The following IL34 variants were observed in gnomAD, a reference collection of about 807,000 sequenced individuals.
The protein encoded by IL34 is interleukin-34.
In IL34, 17 loss-of-function variants were observed where a neutral mutation model predicts 25.3. The ratio of observed to expected loss-of-function variants is 0.67; its 90% CI spans 0.46 to 1.01. IL34 has a LOEUF of 1.01. Among genes scored for constraint, IL34 ranks in the 50% least tolerant of loss-of-function variants. IL34 has a pLI of 0.00. For missense variants in IL34, 368 were observed against 312.9 expected (o/e 1.18, Z -1.33); for synonymous variants, 174 against 140.9 (o/e 1.23, Z -1.66).
At chr16:70,657,665 C>T (rs1363289558) in intron 4 of IL34, among the ~76,000 whole-genome samples, 1 of 152,166 alleles carries the variant, frequency 6.6e-6, no homozygotes, top group Non-Finnish European at 1.5e-5. Context: ...ATCCCAGCTA[C>T]TCAGGAGGCT....
chr16:70,653,110 G>C (rs574230246), intron 1 of IL34, among the ~76,000 whole-genome samples: 2 of 152,240 alleles, frequency 1.3e-5, no homozygotes, highest in Admixed American at 1.3e-4. Flanking sequence ...GGAGGCTGAG[G>C]CCTGAGGCAC....
chr16:70,613,512 C>T lies in IL34; in HGVS notation c.-400-33036C>T, dbSNP rs150886478. Among the ~76,000 whole-genome samples the T allele has an allele frequency of 3.2e-4, 48 of 152,280 alleles. 1 individual carries two copies. The Middle Eastern group carries it at 0.01, about 32-fold the overall frequency. ...GTGAAACAACTGGAGTTGGCTATTCCGGAACCTTGGTACTCAAAGTGTGGT... is the reference window on the plus strand; with the variant it reads ...GTGAAACAACTGGAGTTGGCTATTCTGGAACCTTGGTACTCAAAGTGTGGT... On this transcript the variant is annotated intron_variant, in intron 1 of 6. Coordinates refer to the IL34 transcript ENST00000429149.
chr16:70,647,156 C>T (rs1371843072), intron 1 of IL34, among the ~76,000 whole-genome samples, 181 bp downstream of exon 1: 6 of 152,254 alleles, frequency 3.9e-5, no homozygotes, highest in African/African-American at 7.2e-5. Flanking sequence ...CCGCTCACTT[C>T]GGGCTCCGAC....
At chr16:70,629,961 A>G (rs2051481746) in intron 1 of IL34, among the ~76,000 whole-genome samples, 1 of 151,904 alleles carries the variant, frequency 6.6e-6, no homozygotes, top group Non-Finnish European at 1.5e-5. Context: ...CATTCTGTCT[A>G]TGTTTTTGTA....
chr16:70,632,317 T>A (rs2051538346), intron 1 of IL34, among the ~76,000 whole-genome samples: 1 of 152,172 alleles, frequency 6.6e-6, no homozygotes, highest in African/African-American at 2.4e-5. Context: ...CATGCAGATA[T>A]CTGCAGGGTG....
At chr16:70,628,380 A>T (rs2051441578) in intron 1 of IL34, among the ~76,000 whole-genome samples, 1 of 151,308 alleles carries the variant, frequency 6.6e-6, no homozygotes. Flanking sequence ...TATCTTGCAC[A>T]TTTCTTGATA....
chr16:70,608,820 T>A (rs1277833606), intron 1 of IL34, among the ~76,000 whole-genome samples: 1 of 152,078 alleles, frequency 6.6e-6, no homozygotes, highest in Non-Finnish European at 1.5e-5. Context: ...GCCTCACGCC[T>A]CAGTCTCTGC....
rs539377475 is a variant in IL34, at chr16:70,585,920, G to A, written c.-401+5871G>A. On this transcript the variant is annotated intron_variant, in intron 1 of 6. Coordinates refer to the IL34 transcript ENST00000429149. Reference sequence around the variant, plus strand: ...GCAATCTCGGCTCACTGCAAGCTCCGCCTCCCAGGTTCACGCCATTCTCCT... The same window carrying A: ...GCAATCTCGGCTCACTGCAAGCTCCACCTCCCAGGTTCACGCCATTCTCCT... Among the ~76,000 whole-genome samples, 13 of 148,880 alleles carry A rather than the reference G, an allele frequency of 8.7e-5. No homozygotes were observed. The South Asian group carries it at 1.9e-3, about 22-fold the overall frequency.
intron 1 of IL34, among the ~76,000 whole-genome samples, chr16:70,601,070 A>T (rs911010869): frequency 7.9e-5 from 12 of 151,866 alleles, no homozygotes; most frequent in African/African-American, 2.9e-4. Context: ...GAAGTGAGGG[A>T]TACTGACAGA....
At chr16:70,648,664 G>A (rs1457402010) in intron 1 of IL34, among the ~76,000 whole-genome samples, 3 of 152,042 alleles carry the variant, frequency 2.0e-5, no homozygotes, top group African/African-American at 4.8e-5. Context: ...AAGACTGGCT[G>A]GGGGATGAGG....
intron 1 of IL34, among the ~76,000 whole-genome samples, chr16:70,632,432 G>A (rs2151851795): frequency 6.6e-6 from 1 of 152,296 alleles, no homozygotes; most frequent in Middle Eastern, 3.4e-3. Flanking sequence ...TTAGCCTATA[G>A]GAACCAAAGG....
chr16:70,657,835 A>T (rs1293270951), intron 4 of IL34, among the ~76,000 whole-genome samples: 3 of 152,208 alleles, frequency 2.0e-5, no homozygotes, highest in African/African-American at 7.2e-5. Flanking sequence ...ACATGACATC[A>T]TGCATTTGTC....
chr16:70,650,021 A>G (rs1247352466), intron 1 of IL34, among the ~76,000 whole-genome samples: 4 of 151,668 alleles, frequency 2.6e-5, no homozygotes, highest in African/African-American at 9.7e-5. Context: ...CTGGTCTTGA[A>G]CTCCTGACCT....
intron 1 of IL34, among the ~76,000 whole-genome samples, chr16:70,633,718 A>G (rs2051571916): frequency 6.6e-6 from 1 of 152,196 alleles, no homozygotes; most frequent in Admixed American, 6.5e-5. Context: ...TGGCAAGCCC[A>G]TGATCTCTGT....
At chr16:70,632,586 C>T (rs775827753) in intron 1 of IL34, among the ~76,000 whole-genome samples, 4 of 152,076 alleles carry the variant, frequency 2.6e-5, no homozygotes, top group East Asian at 3.9e-4. Context: ...CTCTTATAAG[C>T]GGGCCAGTGG....
chr16:70,640,661 A>G (rs1597769616), intron 1 of IL34, among the ~76,000 whole-genome samples: 1 of 151,938 alleles, frequency 6.6e-6, no homozygotes, highest in Admixed American at 6.6e-5. Flanking sequence ...TTAAATATAT[A>G]TATTTCAATC....
At chr16:70,657,221 T>A in intron 4 of IL34, 100 bp downstream of exon 4, 61 of 877,186 alleles carry the variant, frequency 7.0e-5, no homozygotes, top group Non-Finnish European at 9.8e-5. Context: ...AAAGGGTGAA[T>A]ACACGGAAAG....
chr16:70,634,195 C>T (rs2051586690), intron 1 of IL34, among the ~76,000 whole-genome samples: 1 of 152,106 alleles, frequency 6.6e-6, no homozygotes, highest in Admixed American at 6.6e-5. Flanking sequence ...ATTGGGCCTA[C>T]TAATCTGGTA....
chr16:70,618,385 C>T (rs977749413), intron 1 of IL34, among the ~76,000 whole-genome samples: 17 of 151,984 alleles, frequency 1.1e-4, no homozygotes, highest in African/African-American at 2.7e-4. Flanking sequence ...CCAGGAACAA[C>T]GGTAATTGTG....
Sources: gnomAD v4.1 joint callset for allele counts (sites outside exome capture counted in the v4.1 genomes callset) on GRCh38, gnomAD v4.1.1 for gene constraint, MANE v1.5 for transcripts, NCBI Gene and HGNC (gene_info 2026-07-23, HGNC 2026-07-21) for gene names.